KIFAP3: variants seen among roughly 807,000 people sequenced by gnomAD.
The protein encoded by KIFAP3 is kinesin-associated protein 3.
KIFAP3 carries 68 observed loss-of-function variants against 106.5 expected under a neutral mutation model. That is an observed-to-expected ratio of 0.64 (90% CI 0.53 to 0.78). KIFAP3 has a LOEUF of 0.78. KIFAP3 is among the 30% of genes least tolerant of loss of function. The pLI is 0.00. For synonymous variants in KIFAP3, 320 were observed against 311.5 expected (o/e 1.03, Z -0.29); for missense variants, 780 against 941.8 (o/e 0.83, Z 2.25).
intron 7 of KIFAP3, 29 bp downstream of exon 7, chr1:170,034,343 A>G: frequency 1.3e-6 from 2 of 1,590,564 alleles, no homozygotes; most frequent in Non-Finnish European, 1.7e-6. Flanking sequence ...AAGACAACAG[A>G]CGGTTCAAAT....
At chr1:170,034,283 A>T (rs1669562995) in intron 7 of KIFAP3, 89 bp downstream of exon 7, 8 of 1,269,156 alleles carry the variant, frequency 6.3e-6, no homozygotes, top group Non-Finnish European at 5.5e-6. Context: ...AACAATTTTT[A>T]AAAAAGAAAA....
chr1:169,952,090 T>TG (rs1362583923), intron 19 of KIFAP3, among the ~76,000 whole-genome samples: 1 of 152,014 alleles, frequency 6.6e-6, no homozygotes. Context: ...AAAAGCCATA[T>TG]GCTTTCTAGT....
chr1:170,033,029 T>C (rs1669494777), intron 7 of KIFAP3, among the ~76,000 whole-genome samples: 1 of 151,720 alleles, frequency 6.6e-6, no homozygotes, highest in Admixed American at 6.6e-5. Flanking sequence ...CTTCTCCAGT[T>C]TAAATAAATT....
chr1:169,974,195 A>G (rs1190002435), intron 16 of KIFAP3, among the ~76,000 whole-genome samples: 1 of 152,002 alleles, frequency 6.6e-6, no homozygotes, highest in Non-Finnish European at 1.5e-5. Flanking sequence ...GCAAATTCAA[A>G]TTAATAAAGA....
intron 15 of KIFAP3, among the ~76,000 whole-genome samples, chr1:169,978,456 A>G (rs1666342614): frequency 1.3e-5 from 2 of 152,012 alleles, no homozygotes; most frequent in African/African-American, 2.4e-5. Context: ...GAGAAAAATA[A>G]TTCTTAAAAA....
At chr1:170,055,706 A>G (rs1670813228) in intron 1 of KIFAP3, among the ~76,000 whole-genome samples, 1 of 152,230 alleles carries the variant, frequency 6.6e-6, no homozygotes, top group African/African-American at 2.4e-5. Context: ...GAAAAAAAAT[A>G]CATTTACCAA....
intron 16 of KIFAP3, among the ~76,000 whole-genome samples, chr1:169,976,954 A>G (rs1666245133): frequency 6.6e-6 from 1 of 152,080 alleles, no homozygotes; most frequent in Non-Finnish European, 1.5e-5. Context: ...CAAACACCTG[A>G]GCTCAAGTGA....
intron 19 of KIFAP3, among the ~76,000 whole-genome samples, chr1:169,941,768 G>T (rs1664133778): frequency 6.6e-6 from 1 of 152,074 alleles, no homozygotes; most frequent in African/African-American, 2.4e-5. Context: ...CAAAGCAGTA[G>T]AAAAGATAAG....
intron 9 of KIFAP3, among the ~76,000 whole-genome samples, chr1:170,018,169 T>C (rs929894465): frequency 6.6e-6 from 1 of 152,220 alleles, no homozygotes; most frequent in Non-Finnish European, 1.5e-5. Flanking sequence ...CAATTTCAGT[T>C]TGATAAATAT....
intron 19 of KIFAP3, among the ~76,000 whole-genome samples, chr1:169,947,440 C>T (rs1664496665): frequency 6.6e-6 from 1 of 151,778 alleles, no homozygotes; most frequent in African/African-American, 2.4e-5. Context: ...GAGAAGCAAC[C>T]CTTGCAAATA....
chr1:169,930,578 G>T (rs1663407894), intron 19 of KIFAP3, among the ~76,000 whole-genome samples: 1 of 152,164 alleles, frequency 6.6e-6, no homozygotes. Context: ...CCTACCTAGG[G>T]TCTTTGAGCA....
chr1:170,025,383 T>A (rs563585331), intron 8 of KIFAP3, among the ~76,000 whole-genome samples: 3 of 152,256 alleles, frequency 2.0e-5, no homozygotes, highest in East Asian at 3.9e-4. Flanking sequence ...CAATATAGTC[T>A]TTTTGCTCTC....
chr1:170,035,485 T>C lies in KIFAP3; in HGVS notation c.586A>G (p.Asn196Asp). 2 of 1,609,524 alleles carry C rather than the reference T, an allele frequency of 1.2e-6. No homozygotes were observed. Among genetic ancestry groups the C allele is most frequent in the East Asian group, 2.2e-5 (1 of 44,552 alleles). The part of the protein sequence containing the change: ...DWKQSVELAT[N>D]IIYIFFCFSS... Reference sequence around the variant, plus strand: ...AAACAAAAAAAGATGTAAATTATGTTTGTAGCTAACTCGACACTTTGCTTC... The same window carrying C: ...AAACAAAAAAAGATGTAAATTATGTCTGTAGCTAACTCGACACTTTGCTTC... The change falls in exon 6 of 20, where the codon AAC becomes GAC. Residue 196 changes from asparagine to aspartate, a missense_variant. Physicochemically the swap from Asn to Asp is conservative, Grantham distance 23 (BLOSUM62 1). Coordinates refer to ENST00000361580, the MANE Select transcript of KIFAP3 (RefSeq NM_014970.4).
intron 1 of KIFAP3, among the ~76,000 whole-genome samples, chr1:170,083,782 G>A (rs1047421471): frequency 1.3e-5 from 2 of 152,126 alleles, no homozygotes; most frequent in African/African-American, 4.8e-5. Flanking sequence ...AGTCACTTAA[G>A]CACTCTGTGT....
intron 19 of KIFAP3, among the ~76,000 whole-genome samples, chr1:169,952,897 T>A (rs1320035983): frequency 2.6e-5 from 4 of 152,156 alleles, no homozygotes; most frequent in Admixed American, 6.5e-5. Context: ...TTAAGAGTTA[T>A]CGCACATTGG....
rs771614934 is a variant in KIFAP3, at chr1:170,046,911, A to G, written c.165-45T>C. On this transcript the variant is annotated intron_variant, in intron 2 of 19. Transcript: ENST00000361580. Reference sequence around the variant, plus strand: ...TTTCAACTCACGTATTATAAAAGTAATAACTTCAATACTACTACTTTAAAA... The same window carrying G: ...TTTCAACTCACGTATTATAAAAGTAGTAACTTCAATACTACTACTTTAAAA... The G allele has an allele frequency of 1.2e-5, 15 of 1,207,340 alleles. No homozygotes were observed. In the African/African-American group the frequency reaches 1.7e-4, roughly 14 times the overall value. 74.8% of individuals were successfully genotyped at this position (1,207,340 alleles called of 1,614,324 possible).
Position 169,981,974 on chromosome 1 carries a change from T to G in KIFAP3, c.1796A>C (p.Asn599Thr). 6.2e-7 allele frequency: 1 copy of G among 1,610,628 alleles called. No homozygotes were observed. The highest frequency in any genetic ancestry group is 8.5e-7 in the Non-Finnish European group (1 of 1,177,838). ...GIIPALIELL[N>T]AQQEDDEFVC... Reference sequence around the variant, plus strand: ...AAAAATAAATTAAGGTTATTTACCATTTAGCAATTCAATGAGTGCAGGGAT... The same window carrying G: ...AAAAATAAATTAAGGTTATTTACCAGTTAGCAATTCAATGAGTGCAGGGAT... The change falls in exon 15 of 20, where the codon AAT becomes ACT. Residue 599 changes from asparagine to threonine, a missense_variant and splice_region_variant. Coordinates refer to ENST00000361580, the MANE Select transcript of KIFAP3 (RefSeq NM_014970.4).
At chr1:169,967,419 T>C (rs1337708452) in intron 17 of KIFAP3, among the ~76,000 whole-genome samples, 3 of 151,790 alleles carry the variant, frequency 2.0e-5, no homozygotes, top group Admixed American at 6.6e-5. Flanking sequence ...GAATCCTCAA[T>C]GAATATAGTT....
intron 1 of KIFAP3, among the ~76,000 whole-genome samples, chr1:170,061,184 CTTCT>C (rs1671132267): frequency 6.6e-6 from 1 of 152,112 alleles, no homozygotes; most frequent in African/African-American, 2.4e-5. Context: ...AACTAAAGAG[CTTCT>C]GCACAGCAAA....
Sources: allele counts gnomAD v4.1 joint callset (sites outside exome capture counted in the v4.1 genomes callset), GRCh38; gene constraint gnomAD v4.1.1; transcripts MANE v1.5; gene names NCBI Gene and HGNC (gene_info 2026-07-23, HGNC 2026-07-21).